ARHGAP21: variants seen among roughly 807,000 people sequenced by gnomAD.
The protein encoded by ARHGAP21 is Rho GTPase activating protein 21, also known as rho GTPase-activating protein 21.
In ARHGAP21, 38 loss-of-function variants were observed where a neutral mutation model predicts 164.6. That is an observed-to-expected ratio of 0.23 (90% CI 0.18 to 0.30). The LOEUF is 0.30. Among genes scored for constraint, ARHGAP21 ranks in the 10% least tolerant of loss-of-function variants. ARHGAP21 has a pLI of 1.00. For synonymous variants in ARHGAP21, 766 were observed against 857.9 expected (o/e 0.89, Z 1.87); for missense variants, 1,822 against 2,370.7 (o/e 0.77, Z 4.81).
rs1345969367 is a variant in ARHGAP21 at position 24,614,821 on chromosome 10, C to T, written c.2422+4652G>A. Among the ~76,000 whole-genome samples, 4 of 145,588 alleles carry T rather than the reference C, an allele frequency of 2.7e-5. No homozygotes were observed. The South Asian group carries it at 6.5e-4, about 24-fold the overall frequency. On this transcript the variant is annotated intron_variant, in intron 9 of 25. Coordinates refer to ENST00000396432, the MANE Select transcript of ARHGAP21 (RefSeq NM_020824.4). ...AAATGCGGCTAGGTTTTAAAAAAAA[C>T]GTATTTCCCTAAATAAATAAGCATA...
At chr10:24,689,846 G>T (rs1375639050) in intron 2 of ARHGAP21, among the ~76,000 whole-genome samples, 2 of 147,888 alleles carry the variant, frequency 1.4e-5, no homozygotes, top group South Asian at 4.3e-4. Flanking sequence ...GTATATATAT[G>T]TATATATGTA....
At chr10:24,666,442 T>A (rs188124331) in intron 4 of ARHGAP21, among the ~76,000 whole-genome samples, 1 of 152,312 alleles carries the variant, frequency 6.6e-6, no homozygotes, top group East Asian at 1.9e-4. Flanking sequence ...GAAATAAAAG[T>A]TTTTAATGGG....
At chr10:24,656,022 T>C (rs1452167050) in intron 4 of ARHGAP21, among the ~76,000 whole-genome samples, 11 of 126,976 alleles carry the variant, frequency 8.7e-5, no homozygotes, top group Admixed American at 1.5e-4. Context: ...GCCCGGCAGC[T>C]GCCCCGTCTG....
At chr10:24,609,671 A>G (rs1036671153) in intron 9 of ARHGAP21, among the ~76,000 whole-genome samples, 2 of 152,192 alleles carry the variant, frequency 1.3e-5, no homozygotes, top group Admixed American at 1.3e-4. Context: ...CCGGTTTAAA[A>G]ATACTGTGTT....
intron 2 of ARHGAP21, among the ~76,000 whole-genome samples, chr10:24,684,634 T>C (rs192919281): frequency 6.6e-6 from 1 of 152,288 alleles, no homozygotes; most frequent in Admixed American, 6.5e-5. Flanking sequence ...TAATTTATGT[T>C]TTATTTTTAA....
intron 4 of ARHGAP21, among the ~76,000 whole-genome samples, chr10:24,638,582 C>A (rs1178780231): frequency 6.6e-6 from 1 of 152,216 alleles, no homozygotes; most frequent in Non-Finnish European, 1.5e-5. Context: ...ACTTAGCAGA[C>A]CCAGATGGCT....
At chr10:24,706,419 AGTGT>A (rs1193730772) in intron 2 of ARHGAP21, 1 of 152,548 alleles carries the variant, frequency 6.6e-6, no homozygotes, top group African/African-American at 2.4e-5. Context: ...ACAAGAAGAC[AGTGT>A]TTTTATATCC....
chr10:24,710,558 T>C (rs1294551103), intron 2 of ARHGAP21, among the ~76,000 whole-genome samples: 1 of 149,680 alleles, frequency 6.7e-6, no homozygotes, highest in Non-Finnish European at 1.5e-5. Context: ...TGTATACCCA[T>C]GAAGGTAGGA....
intron 4 of ARHGAP21, among the ~76,000 whole-genome samples, chr10:24,637,957 C>A (rs1836561374): frequency 6.6e-6 from 1 of 151,612 alleles, no homozygotes; most frequent in Non-Finnish European, 1.5e-5. Flanking sequence ...CTCTGCCTCC[C>A]AGGTTCAAGC....
At chr10:24,649,877 A>C (rs1837980729) in intron 4 of ARHGAP21, among the ~76,000 whole-genome samples, 1 of 152,136 alleles carries the variant, frequency 6.6e-6, no homozygotes, top group African/African-American at 2.4e-5. Context: ...GATAAAACTA[A>C]AAGTAGTCCA....
At chr10:24,600,587 C>CT in intron 14 of ARHGAP21, 59 bp downstream of exon 14, 1 of 1,550,484 alleles carries the variant, frequency 6.4e-7, no homozygotes, top group Non-Finnish European at 8.7e-7. Flanking sequence ...TTCCTTAGAT[C>CT]TTTGTAAGAA....
intron 2 of ARHGAP21, among the ~76,000 whole-genome samples, chr10:24,718,169 A>T (rs1845580543): frequency 6.6e-6 from 1 of 152,200 alleles, no homozygotes; most frequent in Non-Finnish European, 1.5e-5. Flanking sequence ...GACGAGACGG[A>T]AGAGTGAGAA....
intron 9 of ARHGAP21, among the ~76,000 whole-genome samples, chr10:24,618,622 G>A (rs929600327): frequency 6.6e-6 from 1 of 152,138 alleles, no homozygotes; most frequent in African/African-American, 2.4e-5. Flanking sequence ...ACCTGTCCCT[G>A]TAGCAACACA....
At chr10:24,635,704 G>A (rs1002930234) in intron 4 of ARHGAP21, among the ~76,000 whole-genome samples, 2 of 151,956 alleles carry the variant, frequency 1.3e-5, no homozygotes, top group African/African-American at 4.8e-5. Context: ...ACACCACCCC[G>A]CCTGCTAATT....
rs1195576134 is a variant in ARHGAP21, at chr10:24,676,334, C to A, written c.64-5937G>T. ...TGAGTGTACATGTGCAGTTTTGTTA[C>A]AAAAGTGTACTGCATTACTGCATGC... On this transcript the variant is annotated intron_variant, in intron 2 of 25. Coordinates refer to ENST00000396432, the MANE Select transcript of ARHGAP21 (RefSeq NM_020824.4). Among the ~76,000 whole-genome samples the A allele has an allele frequency of 3.9e-5, 6 of 152,290 alleles. No homozygotes were observed. The East Asian group carries it at 1.2e-3, about 29-fold the overall frequency.
At chr10:24,664,105 C>T (rs1839955325) in intron 4 of ARHGAP21, among the ~76,000 whole-genome samples, 1 of 152,188 alleles carries the variant, frequency 6.6e-6, no homozygotes. Context: ...ATATCATCTA[C>T]TATATCGCTC....
intron 2 of ARHGAP21, among the ~76,000 whole-genome samples, chr10:24,716,368 C>G (rs1003956676): frequency 1.3e-5 from 2 of 152,188 alleles, no homozygotes; most frequent in South Asian, 2.1e-4. Flanking sequence ...AAGCTTCACT[C>G]GGAAGGTGAC....
At chr10:24,685,466 CA>C (rs1480563017) in intron 2 of ARHGAP21, among the ~76,000 whole-genome samples, 2 of 152,216 alleles carry the variant, frequency 1.3e-5, no homozygotes, top group Non-Finnish European at 2.9e-5. Flanking sequence ...ATTTTATTTA[CA>C]TTCCTGATTT....
chr10:24,595,783 A>G lies in ARHGAP21; in HGVS notation c.3646T>C (p.Leu1216=). The part of the protein sequence containing the change: ...IDIQDDKWRD[L]NVISSLLKSF... ...TTTAGTAAACTGCTTATCACATTCA[A>G]ATCTCGCCATTTCTAGGTGTACAAA... is the stretch of plus-strand genomic sequence containing the variant. Residue 1216 remains leucine, a synonymous_variant, in exon 19 of 26, where the codon TTG becomes CTG. Transcript: ENST00000396432. 7 of 1,613,682 alleles carry G rather than the reference A, an allele frequency of 4.3e-6. No individual in the cohort carries two copies. Among genetic ancestry groups the G allele is most frequent in the Non-Finnish European group, 5.9e-6 (7 of 1,179,776 alleles).
Sources: gnomAD v4.1 joint callset for allele counts (sites outside exome capture counted in the v4.1 genomes callset) on GRCh38, gnomAD v4.1.1 for gene constraint, MANE v1.5 for transcripts, NCBI Gene and HGNC (gene_info 2026-07-23, HGNC 2026-07-21) for gene names.